The following ARFGEF3 variants were observed in gnomAD, a reference collection of about 807,000 sequenced individuals.
ARFGEF3 encodes ARFGEF family member 3, also known as brefeldin A-inhibited guanine nucleotide-exchange protein 3.
A neutral mutation model predicts 221.7 loss-of-function variants in ARFGEF3; 96 were observed. The ratio of observed to expected loss-of-function variants is 0.43; its 90% CI spans 0.37 to 0.51. ARFGEF3 has a LOEUF of 0.51. Ranked by LOEUF, ARFGEF3 falls within the 20% of genes least tolerant of loss-of-function variation. ARFGEF3 has a pLI of 0.00. For synonymous variants in ARFGEF3, 1,145 were observed against 1,126.8 expected (o/e 1.02, Z -0.32); for missense variants, 2,410 against 2,789.9 (o/e 0.86, Z 3.07).
At chr6:138,282,292 G>A (rs1779209780) in intron 14 of ARFGEF3, among the ~76,000 whole-genome samples, 1 of 152,102 alleles carries the variant, frequency 6.6e-6, no homozygotes, top group South Asian at 2.1e-4. Context: ...ATCCTCTCCT[G>A]GCTCCAGCAG....
intron 2 of ARFGEF3, among the ~76,000 whole-genome samples, chr6:138,177,627 C>T (rs1776981119): frequency 6.6e-6 from 1 of 152,038 alleles, no homozygotes. Flanking sequence ...AGTTTGATTG[C>T]TTTATATAGT....
At position 138,307,538 on chromosome 6, in the gene ARFGEF3, G is replaced by A. The variant is rs1032852248; in HGVS notation, c.3973+141G>A. ...CAGCAGGAAAGAATGTGGTGTAGCA[G>A]GAACATGAGTCCTGAGTTCTGCCAG... is the stretch of plus-strand genomic sequence containing the variant. On this transcript the variant is annotated intron_variant, in intron 23 of 33. Coordinates refer to ENST00000251691, the MANE Select transcript of ARFGEF3 (RefSeq NM_020340.5). 1.7e-5 allele frequency: 13 copies of A among 783,898 alleles called. No homozygotes were observed. The Admixed American group carries it at 2.0e-4, about 12-fold the overall frequency. 48.6% of individuals were successfully genotyped at this position (783,898 alleles called of 1,614,324 possible).
intron 21 of ARFGEF3, 75 bp from the exon 22 acceptor site, chr6:138,298,531 G>A: frequency 2.5e-6 from 3 of 1,182,006 alleles, no homozygotes; most frequent in African/African-American, 3.0e-5. Flanking sequence ...AATGAGGTGG[G>A]GTAGGAAAGC....
chr6:138,198,496 G>T (rs2114480127), intron 2 of ARFGEF3, among the ~76,000 whole-genome samples: 1 of 152,300 alleles, frequency 6.6e-6, no homozygotes, highest in South Asian at 2.1e-4. Context: ...CCTGGCAAAA[G>T]CTTAATCAAT....
In ARFGEF3 at chr6:138,308,794, C is replaced by T. The variant is rs144046472; in HGVS notation, c.4029C>T (p.Asn1343=). The T allele has an allele frequency of 6.2e-7, 1 of 1,613,838 alleles. No individual in the cohort carries two copies. The highest frequency in any genetic ancestry group is 1.3e-5 in the African/African-American group (1 of 74,952). ...DVFEAFLNTD[N]IQVFANAATS... ...TTGAAGCTTTTCTCAATACTGACAA[C>T]ATCCAGGTCTTTGCTAATGCAGCCA... The change falls in exon 24 of 34, where the codon AAC becomes AAT. Residue 1343 remains asparagine (N), a synonymous_variant. Coordinates refer to ENST00000251691, the MANE Select transcript of ARFGEF3 (RefSeq NM_020340.5).
chr6:138,262,027 A>G (rs1034259207), intron 11 of ARFGEF3, among the ~76,000 whole-genome samples: 3 of 152,146 alleles, frequency 2.0e-5, no homozygotes, highest in African/African-American at 7.2e-5. Context: ...TTATAGAGGA[A>G]GGTCCACATT....
At chr6:138,254,125 G>A in intron 9 of ARFGEF3, 141 bp downstream of exon 9, 1 of 578,360 alleles carries the variant, frequency 1.7e-6, no homozygotes, top group South Asian at 2.6e-5. Flanking sequence ...AGGGAAAGCA[G>A]GGAAATTGTG....
At position 138,218,546 on chromosome 6, in the gene ARFGEF3, G is replaced by C. The variant is rs375150636; in HGVS notation, c.351+8505G>C. ...AGGAAAACACCCACTCTTTAGCTGAGCCAATGTTTCTGTTCCATCCTACGA... is the reference window on the plus strand; with the variant it reads ...AGGAAAACACCCACTCTTTAGCTGACCCAATGTTTCTGTTCCATCCTACGA... On this transcript the variant is annotated intron_variant, in intron 4 of 33. Coordinates refer to ENST00000251691, the MANE Select transcript of ARFGEF3 (RefSeq NM_020340.5). 1.9e-5 allele frequency: 25 copies of C among 1,302,582 alleles called. No homozygotes were observed. In the African/African-American group the frequency reaches 3.6e-4, roughly 19 times the overall value. The allele number at this position is 1,302,582 out of a possible 1,614,324, so 80.7% of individuals were successfully genotyped here. A position where few individuals can be genotyped will look rare whatever the true frequency, so the allele number is the denominator to read the frequency against.
At position 138,292,993 on chromosome 6, in the gene ARFGEF3, T is replaced by C. The variant is rs191267674; in HGVS notation, c.3368+940T>C. Among the ~76,000 whole-genome samples, 167 of 152,312 alleles carry C rather than the reference T, an allele frequency of 1.1e-3. 1 individual carries two copies. The highest frequency in any genetic ancestry group is 3.6e-3 in the African/African-American group (150 of 41,572). Reference sequence around the variant, plus strand: ...TCAATAGGACCCAGAAACCAAATGGTATCAAAATTGGAAGTTACAAAATAG... The same window carrying C: ...TCAATAGGACCCAGAAACCAAATGGCATCAAAATTGGAAGTTACAAAATAG... On this transcript the variant is annotated intron_variant, in intron 19 of 33. Coordinates refer to ENST00000251691, the MANE Select transcript of ARFGEF3 (RefSeq NM_020340.5).
chr6:138,325,571 T>C (rs1040171811), intron 31 of ARFGEF3, among the ~76,000 whole-genome samples: 3 of 152,210 alleles, frequency 2.0e-5, no homozygotes, highest in African/African-American at 7.2e-5. Context: ...AGCATGGCAG[T>C]TGGAGCTGCT....
At chr6:138,303,184 T>C (rs1056244329) in intron 22 of ARFGEF3, among the ~76,000 whole-genome samples, 4 of 152,160 alleles carry the variant, frequency 2.6e-5, no homozygotes, top group Non-Finnish European at 5.9e-5. Flanking sequence ...GGTACAAATG[T>C]GATCAATTGA....
intron 2 of ARFGEF3, among the ~76,000 whole-genome samples, chr6:138,191,856 G>A (rs141808922): frequency 1.3e-4 from 20 of 152,104 alleles, no homozygotes; most frequent in Non-Finnish European, 2.9e-4. Flanking sequence ...CACTTTCAGC[G>A]CTGGGTCCTT....
chr6:138,287,233 C>T lies in ARFGEF3; in HGVS notation c.2896+49C>T, dbSNP rs1323160478. ...CACCTGGTGCCTTGGGTGCAGTATG[C>T]ACACACCTGCACAGGCCTACACACG... On this transcript the variant is annotated intron_variant, in intron 17 of 33. Transcript: ENST00000251691. 5 of 1,357,886 alleles carry T rather than the reference C, an allele frequency of 3.7e-6. No homozygotes were observed. The East Asian group carries it at 1.2e-4, about 34-fold the overall frequency. The allele number at this position is 1,357,886 out of a possible 1,614,324, so 84.1% of individuals were successfully genotyped here.
rs1156430706 is a variant in ARFGEF3 at position 138,339,587 on chromosome 6, T to G, written c.*3101T>G. On this transcript the variant is annotated 3_prime_UTR_variant, in exon 34 of 34. Transcript: ENST00000251691. The stretch of plus-strand genomic sequence containing the variant: ...CTAAATTTTGGTAAAGTGTGCTTCA[T>G]GAAACAAACATCTGGAAAACTCCAA... 1 of 152,206 alleles carries G rather than the reference T, an allele frequency of 6.6e-6. No individual in the cohort carries two copies. The highest frequency in any genetic ancestry group is 2.4e-5 in the African/African-American group (1 of 41,442). The allele number at this position is 152,206 out of a possible 1,614,324, so 9.4% of individuals were successfully genotyped here.
At chr6:138,236,312 G>T (rs1562363320) in intron 5 of ARFGEF3, among the ~76,000 whole-genome samples, 1 of 152,166 alleles carries the variant, frequency 6.6e-6, no homozygotes, top group Non-Finnish European at 1.5e-5. Context: ...CAGTTATAAA[G>T]ATTTCTGGGG....
intron 12 of ARFGEF3, among the ~76,000 whole-genome samples, chr6:138,269,665 G>A (rs374699824): frequency 7.2e-5 from 11 of 152,060 alleles, no homozygotes; most frequent in East Asian, 3.9e-4. Flanking sequence ...AAAATTAGCC[G>A]GGCATGGTGG....
chr6:138,191,338 A>G (rs986349779), intron 2 of ARFGEF3, among the ~76,000 whole-genome samples: 3 of 152,180 alleles, frequency 2.0e-5, no homozygotes. Flanking sequence ...ATTAAATGAG[A>G]TAATGTATAC....
At chr6:138,248,414 A>G (rs1207791238) in intron 8 of ARFGEF3, among the ~76,000 whole-genome samples, 1 of 152,168 alleles carries the variant, frequency 6.6e-6, no homozygotes, top group Non-Finnish European at 1.5e-5. Flanking sequence ...TAGCATTGGC[A>G]GGGAATAGAA....
chr6:138,200,859 A>G (rs4448115), intron 2 of ARFGEF3, among the ~76,000 whole-genome samples: 5,793 of 152,334 alleles, frequency 0.038, 338 homozygotes, highest in African/African-American at 0.13. Context: ...TTTGCATGGC[A>G]AAAGGAATAG....
Sources: allele counts gnomAD v4.1 joint callset (sites outside exome capture counted in the v4.1 genomes callset), GRCh38; gene constraint gnomAD v4.1.1; transcripts MANE v1.5; gene names NCBI Gene and HGNC (gene_info 2026-07-23, HGNC 2026-07-21).